Variants in ELP3 observed in about 807,000 individuals in gnomAD.
The protein encoded by ELP3 is elongator acetyltransferase complex subunit 3.
A neutral mutation model predicts 74.9 loss-of-function variants in ELP3; 56 were observed. The observed-to-expected ratio is 0.75, with a 90% CI of 0.60 to 0.93. The LOEUF is 0.93. Among genes scored for constraint, ELP3 ranks in the 40% least tolerant of loss-of-function variants. The probability of loss-of-function intolerance (pLI) is 0.00; values close to 1 mark genes in which losing one functional copy is unlikely to be tolerated. For synonymous variants in ELP3, 222 were observed against 239.8 expected (o/e 0.93, Z 0.68); for missense variants, 573 against 686.5 (o/e 0.83, Z 1.85).
At chr8:28,097,186 G>T in intron 1 of ELP3, 33 bp from the exon 2 acceptor site, 1 of 1,452,438 alleles carries the variant, frequency 6.9e-7, no homozygotes, top group Non-Finnish European at 9.5e-7. Context: ...TGAATGATAC[G>T]ATTTTTGACA....
chr8:28,137,144 C>T (rs1813021077), intron 9 of ELP3, among the ~76,000 whole-genome samples: 1 of 152,160 alleles, frequency 6.6e-6, no homozygotes. Flanking sequence ...TAGATGATCT[C>T]TGTCACAACT....
chr8:28,185,978 T>C (rs1056243701), intron 14 of ELP3, among the ~76,000 whole-genome samples: 2 of 152,242 alleles, frequency 1.3e-5, no homozygotes, highest in African/African-American at 2.4e-5. Flanking sequence ...TTGTCAGTTA[T>C]GATACTTTTA....
intron 2 of ELP3, among the ~76,000 whole-genome samples, chr8:28,098,078 A>T (rs1811326129): frequency 6.6e-6 from 1 of 152,038 alleles, no homozygotes; most frequent in South Asian, 2.1e-4. Context: ...GGGGCCCCTG[A>T]TCTAATCCAA....
At chr8:28,133,922 AG>A (rs1247261807) in intron 9 of ELP3, among the ~76,000 whole-genome samples, 1 of 152,124 alleles carries the variant, frequency 6.6e-6, no homozygotes. Context: ...CAGGCCAAAA[AG>A]GCACCTGAAA....
chr8:28,151,855 AG>A (rs1430250991), intron 10 of ELP3, among the ~76,000 whole-genome samples: 1 of 152,192 alleles, frequency 6.6e-6, no homozygotes, highest in Non-Finnish European at 1.5e-5. Context: ...CAGAAGCAGA[AG>A]GGTTTATTTC....
chr8:28,112,471 GA>G (rs1170580166), intron 6 of ELP3: 2 of 151,908 alleles, frequency 1.3e-5, no homozygotes, highest in African/African-American at 4.8e-5. Flanking sequence ...CTTTTTTTTA[GA>G]AAGCAGACTT....
chr8:28,155,886 T>C, intron 10 of ELP3, 56 bp from the exon 11 acceptor site: 3 of 1,396,058 alleles, frequency 2.1e-6, no homozygotes, highest in Non-Finnish European at 3.0e-6. Flanking sequence ...CTTGCCTTAC[T>C]GCTGTGGAGA....
chr8:28,094,168 G>A (rs1051588353), intron 1 of ELP3, among the ~76,000 whole-genome samples: 19 of 152,190 alleles, frequency 1.2e-4, no homozygotes, highest in South Asian at 2.1e-4. Context: ...ACTCTAACTT[G>A]CTCCTTCTCA....
At chr8:28,171,293 C>T (rs999342209) in intron 14 of ELP3, among the ~76,000 whole-genome samples, 2 of 152,156 alleles carry the variant, frequency 1.3e-5, no homozygotes, top group Non-Finnish European at 2.9e-5. Context: ...TTTTCATTCC[C>T]ACCCACAGTG....
intron 2 of ELP3, among the ~76,000 whole-genome samples, chr8:28,098,113 T>C (rs1487330230): frequency 6.6e-6 from 1 of 152,168 alleles, no homozygotes; most frequent in Non-Finnish European, 1.5e-5. Flanking sequence ...AGAACCTCTT[T>C]GACACATTCA....
chr8:28,146,596 G>C (rs763797312), intron 10 of ELP3, among the ~76,000 whole-genome samples: 15 of 152,198 alleles, frequency 9.9e-5, no homozygotes, highest in Non-Finnish European at 2.1e-4. Context: ...AATGCAGCAA[G>C]CTCAGATAGT....
chr8:28,155,630 C>CA (rs1585718797), intron 10 of ELP3, among the ~76,000 whole-genome samples: 1 of 152,132 alleles, frequency 6.6e-6, no homozygotes, highest in African/African-American at 2.4e-5. Context: ...TCTCTTTACT[C>CA]AAAAAATCTT....
intron 3 of ELP3, among the ~76,000 whole-genome samples, chr8:28,102,884 T>C (rs1375116267): frequency 6.6e-6 from 1 of 152,118 alleles, no homozygotes; most frequent in Admixed American, 6.6e-5. Flanking sequence ...AATCTCCTAT[T>C]TGTGGCCGGG....
intron 10 of ELP3, among the ~76,000 whole-genome samples, chr8:28,151,880 G>T (rs183406667): frequency 3.9e-5 from 6 of 152,326 alleles, no homozygotes; most frequent in Non-Finnish European, 8.8e-5. Context: ...GATATTTAAT[G>T]TGAGGATCTG....
At chr8:28,091,172 C>T (rs982497130), upstream of ELP3, among the ~76,000 whole-genome samples, 4 of 152,044 alleles carry the variant, frequency 2.6e-5, no homozygotes, top group African/African-American at 9.7e-5. Flanking sequence ...TCCCAAAGTG[C>T]TGGGATTACA....
intron 10 of ELP3, among the ~76,000 whole-genome samples, chr8:28,150,311 T>C (rs1336023009): frequency 6.6e-6 from 1 of 152,236 alleles, no homozygotes; most frequent in Non-Finnish European, 1.5e-5. Context: ...AACATTTCTC[T>C]TTATGTAGGT....
chr8:28,171,362 T>C (rs73228804), intron 14 of ELP3, among the ~76,000 whole-genome samples: 73,887 of 151,782 alleles, frequency 0.49, 18,809 homozygotes, highest in East Asian at 0.91. Flanking sequence ...CTTTTTTTTT[T>C]TTTATAGCCA....
chr8:28,102,033 A>G (rs552998083), intron 3 of ELP3, among the ~76,000 whole-genome samples: 2 of 152,280 alleles, frequency 1.3e-5, no homozygotes, highest in South Asian at 2.1e-4. Flanking sequence ...TTTCTGTCCT[A>G]TCTTGGCTAC....
At chr8:28,122,418 A>G (rs1383002344) in intron 7 of ELP3, among the ~76,000 whole-genome samples, 1 of 152,232 alleles carries the variant, frequency 6.6e-6, no homozygotes, top group African/African-American at 2.4e-5. Context: ...CAGTGAAACT[A>G]TCTAGGGCTG....
Sources: gnomAD v4.1 joint callset for allele counts (sites outside exome capture counted in the v4.1 genomes callset) on GRCh38, gnomAD v4.1.1 for gene constraint, MANE v1.5 for transcripts, NCBI Gene and HGNC (gene_info 2026-07-23, HGNC 2026-07-21) for gene names.